Variants in OSBP observed in about 807,000 individuals in gnomAD.
OSBP encodes the protein oxysterol-binding protein 1.
OSBP carries 32 observed loss-of-function variants against 96.6 expected under a neutral mutation model. The ratio of observed to expected loss-of-function variants is 0.33; its 90% CI spans 0.25 to 0.45. The LOEUF (loss-of-function observed/expected upper bound fraction) is 0.45. OSBP is among the 20% of genes least tolerant of loss of function. The pLI is 1.00. For synonymous variants in OSBP, 369 were observed against 389.6 expected (o/e 0.95, Z 0.62); for missense variants, 653 against 1,029.7 (o/e 0.63, Z 5.01).
At position 59,587,267 on chromosome 11, in the gene OSBP, G is replaced by A. The variant is rs572617770; in HGVS notation, c.1679-5713C>T. 1.4e-3 allele frequency among the ~76,000 whole-genome samples: 206 copies of A among 152,228 alleles called. 1 individual carries two copies. Among genetic ancestry groups the A allele is most frequent in the African/African-American group, 4.7e-3 (194 of 41,538 alleles). ...TGTAATCCCAGCACTTTGGGAAGCC[G>A]AGGCAGGCAGATCACTTGAGGTCAG... On this transcript the variant is annotated intron_variant, in intron 9 of 13. Coordinates refer to ENST00000263847, the MANE Select transcript of OSBP (RefSeq NM_002556.3).
At position 59,600,598 on chromosome 11, in the gene OSBP, C is replaced by T. The variant is rs1182195959; in HGVS notation, c.1209G>A (p.Lys403=). ...QYKHQLEETK[K]EKRTRIPYKP... ...TGTATGGTATTCTGGTTCTCTTTTC[C>T]TTTTTGGTCTCCTCCAGCTGATGCT... Residue 403 remains lysine (K), a synonymous_variant, in exon 7 of 14, where the codon AAG becomes AAA. Transcript: ENST00000263847. 1 of 1,613,948 alleles carries T rather than the reference C, an allele frequency of 6.2e-7. No homozygotes were observed. The highest frequency in any genetic ancestry group is 1.3e-5 in the African/African-American group (1 of 74,862).
chr11:59,613,547 A>C (rs1380983508), intron 1 of OSBP, among the ~76,000 whole-genome samples: 1 of 152,176 alleles, frequency 6.6e-6, no homozygotes, highest in Non-Finnish European at 1.5e-5. Flanking sequence ...ATTAATATTG[A>C]CTTGCGACAC....
chr11:59,610,605 A>G lies in OSBP; in HGVS notation c.363-16T>C. On this transcript the variant is annotated splice_polypyrimidine_tract_variant and intron_variant, in intron 1 of 13. Coordinates refer to ENST00000263847, the MANE Select transcript of OSBP (RefSeq NM_002556.3). ...TGCCTTTGATCTGTAATAACAAGAC[A>G]AAGACAATTTAAACAGAAAGTTGAC... is the stretch of plus-strand genomic sequence containing the variant. 6.3e-7 allele frequency: 1 copy of G among 1,597,128 alleles called. No homozygotes were observed. Among genetic ancestry groups the G allele is most frequent in the Non-Finnish European group, 8.6e-7 (1 of 1,164,482 alleles).
chr11:59,591,753 T>C lies in OSBP; in HGVS notation c.1678+1851A>G, dbSNP rs547510292. Among the ~76,000 whole-genome samples the C allele has an allele frequency of 2.1e-4, 32 of 152,206 alleles. 1 individual carries two copies. The South Asian group carries it at 3.5e-3, about 17-fold the overall frequency. On this transcript the variant is annotated intron_variant, in intron 9 of 13. Transcript: ENST00000263847. Reference sequence around the variant, plus strand: ...CTCCTGCCTCAGCCTCCTGAGTAGCTGGGATTACAGGCACCCACCACCACG... The same window carrying C: ...CTCCTGCCTCAGCCTCCTGAGTAGCCGGGATTACAGGCACCCACCACCACG...
At position 59,593,990 on chromosome 11, in the gene OSBP, T is replaced by C. The variant is rs745333302; in HGVS notation, c.1557+20A>G. ...CTTTCTTCAGAAAGGAAATGCGTTA[T>C]GGTTCTGAGGTTCCTTTACCTGTTC... On this transcript the variant is annotated intron_variant, in intron 8 of 13. Transcript: ENST00000263847. The C allele has an allele frequency of 3.7e-6, 6 of 1,611,142 alleles. No homozygotes were observed. The highest frequency in any genetic ancestry group is 4.2e-6 in the Non-Finnish European group (5 of 1,178,204).
chr11:59,579,819 G>C (rs11230008), intron 11 of OSBP, among the ~76,000 whole-genome samples: 4 of 151,430 alleles, frequency 2.6e-5, no homozygotes, highest in Non-Finnish European at 5.9e-5. Flanking sequence ...AGGTTCAAGC[G>C]ATTCTCCTGC....
rs943950107 is a variant in OSBP, at chr11:59,602,528, T to G, written c.823-690A>C. On this transcript the variant is annotated intron_variant, in intron 3 of 13. Transcript: ENST00000263847. ...AGGATCAAATACTAACTACTGGTTA[T>G]GAACATAAAGAGACCTTCATAATAC... Among the ~76,000 whole-genome samples, 4 of 152,356 alleles carry G rather than the reference T, an allele frequency of 2.6e-5. No individual in the cohort carries two copies. The East Asian group carries it at 7.7e-4, about 29-fold the overall frequency.
At position 59,615,284 on chromosome 11, in the gene OSBP, G is replaced by C; in HGVS notation, c.362+19C>G. Reference sequence around the variant, plus strand: ...TATGGGGGAGGCAAGGTGAGCGACAGCGCCCCGGAAGCAGTTACCTGTAGT... The same window carrying C: ...TATGGGGGAGGCAAGGTGAGCGACACCGCCCCGGAAGCAGTTACCTGTAGT... On this transcript the variant is annotated intron_variant, in intron 1 of 13. Coordinates refer to ENST00000263847, the MANE Select transcript of OSBP (RefSeq NM_002556.3). The C allele has an allele frequency of 6.3e-7, 1 of 1,581,556 alleles. No individual in the cohort carries two copies. The highest frequency in any genetic ancestry group is 1.4e-5 in the African/African-American group (1 of 73,966).
intron 9 of OSBP, among the ~76,000 whole-genome samples, chr11:59,582,235 G>A (rs908323442): frequency 4.3e-4 from 66 of 152,208 alleles, no homozygotes; most frequent in African/African-American, 1.5e-3. Context: ...AGGATGCCAG[G>A]CTCCACCATG....
At chr11:59,580,674 TCC>T (rs1860410050) in intron 10 of OSBP, among the ~76,000 whole-genome samples, 1 of 151,562 alleles carries the variant, frequency 6.6e-6, no homozygotes, top group South Asian at 2.1e-4. Flanking sequence ...TCATTTTCCC[TCC>T]TTTCTTTTTT....
chr11:59,580,933 T>C (rs1200717165), intron 10 of OSBP, among the ~76,000 whole-genome samples: 3 of 152,240 alleles, frequency 2.0e-5, no homozygotes, highest in African/African-American at 7.2e-5. Context: ...ATACCCTCTT[T>C]TCTAAATTTG....
chr11:59,579,904 G>A (rs1466876816), intron 11 of OSBP, among the ~76,000 whole-genome samples: 2 of 151,900 alleles, frequency 1.3e-5, no homozygotes, highest in East Asian at 3.9e-4. Flanking sequence ...TAGAGACAGG[G>A]TTTCATCATG....
chr11:59,598,497 C>A (rs766337930), intron 7 of OSBP, among the ~76,000 whole-genome samples: 1 of 152,230 alleles, frequency 6.6e-6, no homozygotes, highest in Non-Finnish European at 1.5e-5. Context: ...CAGAAGTCTT[C>A]ATTTCTAGCC....
intron 1 of OSBP, among the ~76,000 whole-genome samples, chr11:59,613,302 A>G (rs1369664919): frequency 6.6e-6 from 1 of 152,208 alleles, no homozygotes; most frequent in Non-Finnish European, 1.5e-5. Context: ...GGAGTTTTAT[A>G]TGTAGTCAGA....
chr11:59,579,402 C>T (rs1422507926), intron 11 of OSBP, among the ~76,000 whole-genome samples: 5 of 148,464 alleles, frequency 3.4e-5, no homozygotes, highest in Middle Eastern at 3.4e-3. Context: ...GGCGTGATCT[C>T]GGCTCACTGC....
intron 9 of OSBP, among the ~76,000 whole-genome samples, chr11:59,584,705 TA>T (rs1860472129): frequency 6.6e-6 from 1 of 152,130 alleles, no homozygotes; most frequent in African/African-American, 2.4e-5. Context: ...GTGAAACACT[TA>T]AAGACTTTCT....
intron 7 of OSBP, among the ~76,000 whole-genome samples, chr11:59,599,979 C>CA (rs1450628121): frequency 1.3e-5 from 2 of 152,170 alleles, no homozygotes; most frequent in Admixed American, 1.3e-4. Flanking sequence ...ATCACTCTGA[C>CA]AACAGTGTAG....
intron 7 of OSBP, among the ~76,000 whole-genome samples, chr11:59,595,905 C>T (rs1020821063): frequency 6.6e-6 from 1 of 151,294 alleles, no homozygotes; most frequent in Non-Finnish European, 1.5e-5. Flanking sequence ...GATCATGCCA[C>T]TGCACTCCAG....
In OSBP at chr11:59,576,688, C is replaced by T; in HGVS notation, c.2313G>A (p.Trp771Ter). The T allele has an allele frequency of 6.2e-7, 1 of 1,614,094 alleles. No individual in the cohort carries two copies. The highest frequency in any genetic ancestry group is 8.5e-7 in the Non-Finnish European group (1 of 1,180,020). Residue 771 changes from tryptophan (W) to a stop codon, truncating the protein, a stop_gained, in exon 14 of 14, where the codon TGG becomes TGA. Transcript: ENST00000263847. LOFTEE classifies it high-confidence loss of function. ...GTPYDPYKAL[W>*]FERKKDPVTK... The stretch of plus-strand genomic sequence containing the variant: ...TAACAGGGTCCTTCTTCCGCTCAAA[C>T]CACAGTGCCTTATAGGGATCATATG...
Sources: allele counts gnomAD v4.1 joint callset (sites outside exome capture counted in the v4.1 genomes callset), GRCh38; gene constraint gnomAD v4.1.1; transcripts MANE v1.5; gene names NCBI Gene and HGNC (gene_info 2026-07-23, HGNC 2026-07-21).